Variants in THRB observed in about 807,000 individuals in gnomAD.
THRB encodes nuclear receptor subfamily 1 group A member 2.
In THRB, 12 loss-of-function variants were observed where a neutral mutation model predicts 47.8. The observed-to-expected ratio is 0.25, with a 90% confidence interval of 0.16 to 0.41. The LOEUF (loss-of-function observed/expected upper bound fraction) is 0.41, where lower values mean the gene tolerates loss of function less well. Ranked by LOEUF, THRB falls within the 10% of genes least tolerant of loss-of-function variation. THRB has a pLI of 1.00. For missense variants in THRB, 348 were observed against 589.2 expected, an observed-to-expected ratio of 0.59 and a Z score of 4.24; for synonymous variants, 218 against 212.2, an observed-to-expected ratio of 1.03 and a Z score of -0.24.
chr3:24,432,966 T>C (rs926875545), intron 1 of THRB, among the ~76,000 whole-genome samples: 1 of 152,098 alleles, frequency 6.6e-6, no homozygotes, highest in East Asian at 1.9e-4. Context: ...ACCGCAGGCT[T>C]AGTATATTTT....
At chr3:24,347,057 C>A (rs1227489736) in intron 1 of THRB, among the ~76,000 whole-genome samples, 1 of 151,848 alleles carries the variant, frequency 6.6e-6, no homozygotes, top group African/African-American at 2.4e-5. Flanking sequence ...TGTTTACTGA[C>A]CACAGCATAA....
At chr3:24,240,230 C>A (rs554515807) in intron 3 of THRB, among the ~76,000 whole-genome samples, 1 of 152,152 alleles carries the variant, frequency 6.6e-6, no homozygotes, top group African/African-American at 2.4e-5. Flanking sequence ...CCAAGTGAGT[C>A]GGCCTGGCTT....
rs2031863877 is a variant in THRB at position 24,122,462 on chromosome 3, T to C, written c.*422A>G. 1 of 266,196 alleles carries C rather than the reference T, an allele frequency of 3.8e-6. No homozygotes were observed. The highest frequency in any genetic ancestry group is 7.3e-6 in the Non-Finnish European group (1 of 136,498). The allele number at this position is 266,196 out of a possible 1,614,324, so 16.5% of individuals were successfully genotyped here. On this transcript the variant is annotated 3_prime_UTR_variant, in exon 11 of 11. Coordinates refer to ENST00000646209, the MANE Select transcript of THRB (RefSeq NM_001354712.2). ...GAAAGCCACATCTAACTAAAGGTGG[T>C]CTGTGCTCTGTTAACTTCAGCCCTG...
In THRB at chr3:24,121,311, C is replaced by G. The variant is rs1013518710; in HGVS notation, c.*1573G>C. The G allele has an allele frequency of 1.3e-5, 2 of 152,600 alleles. No individual in the cohort carries two copies. Among genetic ancestry groups the G allele is most frequent in the African/African-American group, 4.8e-5 (2 of 41,434 alleles). The allele number at this position is 152,600 out of a possible 1,614,324, so 9.5% of individuals were successfully genotyped here. A position where few individuals can be genotyped will look rare whatever the true frequency, so the allele number is the denominator to read the frequency against. On this transcript the variant is annotated 3_prime_UTR_variant, in exon 11 of 11. Transcript: ENST00000646209. ...GGCCAGTTATGCTCCACCAAACTTACAAAAAGCATCTACTTGGTTTCCATA... is the reference window on the plus strand; with the variant it reads ...GGCCAGTTATGCTCCACCAAACTTAGAAAAAGCATCTACTTGGTTTCCATA...
chr3:24,230,846 A>C (rs779428457), intron 3 of THRB, among the ~76,000 whole-genome samples: 20 of 152,198 alleles, frequency 1.3e-4, no homozygotes, highest in Non-Finnish European at 1.9e-4. Flanking sequence ...GGAGGGATTG[A>C]GGGAGAGAGA....
chr3:24,321,862 T>C (rs2058508139), intron 2 of THRB, among the ~76,000 whole-genome samples: 1 of 152,158 alleles, frequency 6.6e-6, no homozygotes, highest in Non-Finnish European at 1.5e-5. Flanking sequence ...CCATGAAAAA[T>C]AGAATGTAGA....
intron 1 of THRB, among the ~76,000 whole-genome samples, chr3:24,381,277 C>A (rs1158634939): frequency 6.6e-6 from 1 of 152,022 alleles, no homozygotes; most frequent in African/African-American, 2.4e-5. Flanking sequence ...TATGACAATA[C>A]AAAGACCCAA....
At chr3:24,338,238 T>A (rs1176915861) in intron 1 of THRB, among the ~76,000 whole-genome samples, 1 of 152,232 alleles carries the variant, frequency 6.6e-6, no homozygotes, top group Non-Finnish European at 1.5e-5. Flanking sequence ...TGCCTTTTTT[T>A]AAATTAGAAA....
chr3:24,450,138 A>G (rs1442594443), intron 1 of THRB, among the ~76,000 whole-genome samples: 1 of 152,172 alleles, frequency 6.6e-6, no homozygotes, highest in South Asian at 2.1e-4. Context: ...ATTTTATACA[A>G]TTAAAAATCT....
intron 5 of THRB, among the ~76,000 whole-genome samples, chr3:24,179,294 T>A (rs1413071350): frequency 7.3e-6 from 1 of 136,770 alleles, no homozygotes; most frequent in East Asian, 2.0e-4. Flanking sequence ...TTCCCAATTC[T>A]GATAATTGTG....
chr3:24,409,922 A>G (rs1440715611), intron 1 of THRB, among the ~76,000 whole-genome samples: 1 of 151,842 alleles, frequency 6.6e-6, no homozygotes, highest in Non-Finnish European at 1.5e-5. Flanking sequence ...ACCTATTGCT[A>G]TTCATTCAGA....
At chr3:24,494,066 C>T (rs953544290) in intron 1 of THRB, 21 of 152,976 alleles carry the variant, frequency 1.4e-4, no homozygotes, top group African/African-American at 4.8e-4. Flanking sequence ...CGCCAAGCCC[C>T]CAGGAGGCGG....
At chr3:24,493,178 C>G (rs960470441) in intron 1 of THRB, among the ~76,000 whole-genome samples, 1 of 152,222 alleles carries the variant, frequency 6.6e-6, no homozygotes, top group African/African-American at 2.4e-5. Flanking sequence ...ATACTTTGCA[C>G]TGAAACACGT....
intron 1 of THRB, among the ~76,000 whole-genome samples, chr3:24,379,718 G>A (rs1235268223): frequency 6.6e-6 from 1 of 152,048 alleles, no homozygotes; most frequent in Non-Finnish European, 1.5e-5. Context: ...TGACACCTAA[G>A]CTTCATCTAC....
chr3:24,410,281 A>G (rs1317144686), intron 1 of THRB, among the ~76,000 whole-genome samples: 6 of 151,816 alleles, frequency 4.0e-5, no homozygotes, highest in Admixed American at 3.3e-4. Context: ...AAAGAAGCAA[A>G]TGTGTCTTCA....
intron 6 of THRB, among the ~76,000 whole-genome samples, chr3:24,148,274 G>C (rs2149052143): frequency 6.6e-6 from 1 of 152,244 alleles, no homozygotes; most frequent in Non-Finnish European, 1.5e-5. Flanking sequence ...TTACAGGCGT[G>C]TGCTACCACA....
At chr3:24,469,175 C>T (rs1007712481) in intron 1 of THRB, among the ~76,000 whole-genome samples, 21 of 152,166 alleles carry the variant, frequency 1.4e-4, no homozygotes, top group African/African-American at 5.1e-4. Flanking sequence ...AACAGGGGTT[C>T]CCTCCATCAT....
At chr3:24,364,237 A>C (rs566840922) in intron 1 of THRB, among the ~76,000 whole-genome samples, 2 of 152,302 alleles carry the variant, frequency 1.3e-5, no homozygotes, top group South Asian at 4.2e-4. Context: ...GCATGAGCAA[A>C]ATGTAAACAG....
chr3:24,140,162 G>A (rs977884729), intron 8 of THRB, among the ~76,000 whole-genome samples: 1 of 152,180 alleles, frequency 6.6e-6, no homozygotes, highest in African/African-American at 2.4e-5. Flanking sequence ...TCACGTTTCT[G>A]CAAGGAGTAT....
Sources: gnomAD v4.1 joint callset for allele counts (sites outside exome capture counted in the v4.1 genomes callset) on GRCh38, gnomAD v4.1.1 for gene constraint, MANE v1.5 for transcripts, NCBI Gene and HGNC (gene_info 2026-07-23, HGNC 2026-07-21) for gene names.